The following KCNIP1 variants were observed in gnomAD, a reference collection of about 807,000 sequenced individuals.
The protein encoded by KCNIP1 is potassium voltage-gated channel interacting protein 1, also known as A-type potassium channel modulatory protein KCNIP1.
Under a neutral mutation model 33.0 loss-of-function variants are expected in KCNIP1, and 18 were observed. That is an observed-to-expected ratio of 0.55 (90% CI 0.38 to 0.81). The LOEUF is 0.81. Ranked by LOEUF, KCNIP1 falls within the 30% of genes least tolerant of loss-of-function variation. The probability of loss-of-function intolerance (pLI) is 0.00; values close to 1 mark genes in which losing one functional copy is unlikely to be tolerated. For missense variants in KCNIP1, 238 were observed against 271.6 expected (o/e 0.88, Z 0.87); for synonymous variants, 93 against 98.3 (o/e 0.95, Z 0.32).
At chr5:170,665,490 A>G (rs1349148740) in intron 1 of KCNIP1, among the ~76,000 whole-genome samples, 2 of 152,210 alleles carry the variant, frequency 1.3e-5, no homozygotes, top group Non-Finnish European at 2.9e-5. Flanking sequence ...ATTTTAGAAT[A>G]GTTTTAAATT....
At chr5:170,706,902 C>A (rs965261472) in intron 1 of KCNIP1, among the ~76,000 whole-genome samples, 4 of 152,078 alleles carry the variant, frequency 2.6e-5, no homozygotes, top group African/African-American at 7.2e-5. Context: ...ACCCACTCAC[C>A]CTAGGCAACA....
At chr5:170,390,119 G>A (rs1022161831) in intron 1 of KCNIP1, among the ~76,000 whole-genome samples, 6 of 151,764 alleles carry the variant, frequency 4.0e-5, no homozygotes, top group African/African-American at 1.5e-4. Context: ...TTTCTTCCTA[G>A]CAATAAGACA....
intron 1 of KCNIP1, among the ~76,000 whole-genome samples, chr5:170,568,753 G>C (rs527431372): frequency 6.6e-6 from 1 of 151,186 alleles, no homozygotes; most frequent in East Asian, 1.9e-4. Context: ...GACCTGAGAG[G>C]TGGAGGTTGC....
intron 1 of KCNIP1, among the ~76,000 whole-genome samples, chr5:170,459,560 A>G (rs545123692): frequency 6.6e-6 from 1 of 152,188 alleles, no homozygotes; most frequent in Non-Finnish European, 1.5e-5. Context: ...ATGCAAATAC[A>G]TGGAAATTAA....
intron 1 of KCNIP1, among the ~76,000 whole-genome samples, chr5:170,692,136 T>C (rs916298708): frequency 6.6e-6 from 1 of 152,166 alleles, no homozygotes; most frequent in Non-Finnish European, 1.5e-5. Flanking sequence ...ACACATTCAT[T>C]GGCCAGATGC....
At chr5:170,523,987 G>A (rs1410822694) in intron 1 of KCNIP1, among the ~76,000 whole-genome samples, 1 of 152,136 alleles carries the variant, frequency 6.6e-6, no homozygotes, top group East Asian at 1.9e-4. Flanking sequence ...GCTCCTGCCT[G>A]TTCTCCCAGC....
intron 1 of KCNIP1, among the ~76,000 whole-genome samples, chr5:170,562,987 A>G (rs926380355): frequency 2.0e-5 from 3 of 152,216 alleles, no homozygotes; most frequent in African/African-American, 7.2e-5. Flanking sequence ...GTAGACTGCA[A>G]CTTTGGTAGC....
intron 1 of KCNIP1, chr5:170,378,662 T>A (rs745791562): frequency 1.9e-6 from 3 of 1,548,988 alleles, no homozygotes; most frequent in Non-Finnish European, 2.6e-6. Context: ...GCCCAGCCAG[T>A]CCCCTGTGCC....
At chr5:170,595,497 G>T (rs1758412383) in intron 1 of KCNIP1, among the ~76,000 whole-genome samples, 1 of 152,242 alleles carries the variant, frequency 6.6e-6, no homozygotes, top group African/African-American at 2.4e-5. Flanking sequence ...GATGCTGGAA[G>T]GAAGGGCTCC....
At chr5:170,567,652 T>C (rs1757250029) in intron 1 of KCNIP1, among the ~76,000 whole-genome samples, 1 of 152,180 alleles carries the variant, frequency 6.6e-6, no homozygotes, top group Admixed American at 6.5e-5. Flanking sequence ...GTGAGGAGCC[T>C]TTCTGATCAG....
At position 170,394,079 on chromosome 5, in the gene KCNIP1, C is replaced by G. The variant is rs571411136; in HGVS notation, c.88+40115C>G. 4.2e-4 allele frequency among the ~76,000 whole-genome samples: 64 copies of G among 152,262 alleles called. 1 individual carries two copies. The highest frequency in any genetic ancestry group is 2.1e-3 in the South Asian group (10 of 4,820). ...GAGTTGCTGTAAGAGTGGTGGTGGC[C>G]TTTTCAACACACATAAAGGAAGCAT... On this transcript the variant is annotated intron_variant, in intron 1 of 7. Coordinates refer to the KCNIP1 transcript ENST00000377360.
intron 1 of KCNIP1, among the ~76,000 whole-genome samples, chr5:170,609,082 C>T (rs1759044148): frequency 6.6e-6 from 1 of 152,028 alleles, no homozygotes; most frequent in Non-Finnish European, 1.5e-5. Context: ...ATCACGTGCT[C>T]TGGGCAGGAA....
intron 1 of KCNIP1, among the ~76,000 whole-genome samples, chr5:170,423,064 C>T (rs1755532622): frequency 6.6e-6 from 1 of 152,140 alleles, no homozygotes; most frequent in African/African-American, 2.4e-5. Flanking sequence ...CCAGCCTGGA[C>T]GACAGAGCAC....
chr5:170,416,105 C>T (rs1755322732), intron 1 of KCNIP1, among the ~76,000 whole-genome samples: 1 of 152,054 alleles, frequency 6.6e-6, no homozygotes, highest in South Asian at 2.1e-4. Context: ...TCCCAGATGT[C>T]CCAAGGTCCA....
chr5:170,378,619 G>A lies in KCNIP1; in HGVS notation c.88+24655G>A, dbSNP rs79326375. The A allele has an allele frequency of 2.0e-3, 2,697 of 1,371,364 alleles. 9 individuals carry two copies. The highest frequency in any genetic ancestry group is 3.6e-3 in the South Asian group (262 of 72,084). The allele number at this position is 1,371,364 out of a possible 1,614,324, so 84.9% of individuals were successfully genotyped here. A position where few individuals can be genotyped will look rare whatever the true frequency, so the allele number is the denominator to read the frequency against. On this transcript the variant is annotated intron_variant, in intron 1 of 7. Coordinates refer to the KCNIP1 transcript ENST00000377360. ...AAGAGTGGGAGGGCAGGTGGAGAAGGCATTGTGCTGCAAGTGGGGAGCAGC... is the reference window on the plus strand; with the variant it reads ...AAGAGTGGGAGGGCAGGTGGAGAAGACATTGTGCTGCAAGTGGGGAGCAGC...
At chr5:170,521,559 C>T (rs2113307489) in intron 1 of KCNIP1, among the ~76,000 whole-genome samples, 1 of 152,222 alleles carries the variant, frequency 6.6e-6, no homozygotes, top group South Asian at 2.1e-4. Context: ...GGCTGGGGAT[C>T]TCCAAGTAAC....
intron 1 of KCNIP1, among the ~76,000 whole-genome samples, chr5:170,357,598 C>T (rs972019654): frequency 2.2e-4 from 34 of 152,280 alleles, no homozygotes; most frequent in Admixed American, 3.3e-4. Context: ...GATGCAATCA[C>T]GGCTCACTGC....
chr5:170,613,554 C>G (rs1759257756), intron 1 of KCNIP1, among the ~76,000 whole-genome samples: 1 of 151,846 alleles, frequency 6.6e-6, no homozygotes, highest in Admixed American at 6.6e-5. Context: ...AGATTTGAAC[C>G]TGAAGGAGAT....
chr5:170,469,843 T>C (rs985754600), intron 1 of KCNIP1, among the ~76,000 whole-genome samples: 16 of 152,332 alleles, frequency 1.1e-4, no homozygotes, highest in African/African-American at 3.4e-4. Context: ...CCTGACTTGA[T>C]TCATGGATAA....
Sources: gnomAD v4.1 joint callset for allele counts (sites outside exome capture counted in the v4.1 genomes callset) on GRCh38, gnomAD v4.1.1 for gene constraint, MANE v1.5 for transcripts, NCBI Gene and HGNC (gene_info 2026-07-23, HGNC 2026-07-21) for gene names.